Variants in GGA2 observed in about 807,000 individuals in gnomAD.
GGA2 encodes golgi associated, gamma adaptin ear containing, ARF binding protein 2, also known as ADP-ribosylation factor-binding protein GGA2.
Under a neutral mutation model 79.5 loss-of-function variants are expected in GGA2, and 48 were observed. The observed-to-expected ratio is 0.60, with a 90% CI of 0.48 to 0.77. The LOEUF is 0.77. GGA2 is among the 30% of genes least tolerant of loss of function. The probability of loss-of-function intolerance (pLI) is 0.00; values close to 1 mark genes in which losing one functional copy is unlikely to be tolerated. For missense variants in GGA2, 770 were observed against 774.0 expected (o/e 0.99, Z 0.06); for synonymous variants, 317 against 302.0 (o/e 1.05, Z -0.51).
At position 23,478,348 on chromosome 16, in the gene GGA2, C is replaced by T. The variant is rs376579898; in HGVS notation, c.1292+20G>A. ...ACTCAGGAGCCACACTCTCCCACTC[C>T]CCTTGCCCAGAAGACTCACAGAGGG... On this transcript the variant is annotated intron_variant, in intron 13 of 16. Transcript: ENST00000309859. The T allele has an allele frequency of 1.3e-5, 20 of 1,554,764 alleles. No homozygotes were observed. The African/African-American group carries it at 2.6e-4, about 20-fold the overall frequency.
intron 1 of GGA2, among the ~76,000 whole-genome samples, chr16:23,500,441 G>T (rs1299066564): frequency 2.0e-5 from 3 of 152,170 alleles, no homozygotes; most frequent in African/African-American, 7.2e-5. Flanking sequence ...TGAGGCGGTG[G>T]CAAGCAGAGG....
At chr16:23,498,422 C>T (rs982945905) in intron 1 of GGA2, among the ~76,000 whole-genome samples, 3 of 151,630 alleles carry the variant, frequency 2.0e-5, no homozygotes, top group African/African-American at 4.8e-5. Context: ...AATGAGACCC[C>T]GTCTCAAAAA....
chr16:23,507,643 C>T (rs1964988118), intron 1 of GGA2, among the ~76,000 whole-genome samples: 1 of 149,518 alleles, frequency 6.7e-6, no homozygotes, highest in African/African-American at 2.5e-5. Flanking sequence ...CTCTCTCACA[C>T]ACACAAATTA....
Position 23,491,681 on chromosome 16 carries a change from T to C in GGA2, c.471A>G (p.Lys157=). Residue 157 remains lysine, a synonymous_variant, in exon 5 of 17, where the codon AAA becomes AAG. Transcript: ENST00000309859. Reference sequence around the variant, plus strand: ...ACACAGTAAGGCAAGTCAGACCTTGTTTCTTCAGCATCTGATAAGCGTCTC... The same window carrying C: ...ACACAGTAAGGCAAGTCAGACCTTGCTTCTTCAGCATCTGATAAGCGTCTC... ...KIRDAYQMLK[K]QGIIKQDPKL... is the part of the protein sequence containing the mutation. The C allele has an allele frequency of 1.9e-6, 3 of 1,613,136 alleles. No homozygotes were observed. The highest frequency in any genetic ancestry group is 2.5e-6 in the Non-Finnish European group (3 of 1,179,230).
At chr16:23,480,797 C>T (rs374131213) in intron 9 of GGA2, 27 bp from the exon 10 acceptor site, 55 of 1,592,646 alleles carry the variant, frequency 3.5e-5, no homozygotes, top group Admixed American at 5.1e-5. Context: ...GACTCAGAAC[C>T]CCCTGGTTTG....
Position 23,467,551 on chromosome 16 carries a change from C to T in GGA2, c.*39G>A. 1 of 1,022,376 alleles carries T rather than the reference C, an allele frequency of 9.8e-7. No homozygotes were observed. The highest frequency in any genetic ancestry group is 1.5e-6 in the Non-Finnish European group (1 of 647,200). The allele number at this position is 1,022,376 out of a possible 1,614,324, so 63.3% of individuals were successfully genotyped here. On this transcript the variant is annotated 3_prime_UTR_variant, in exon 17 of 17. Transcript: ENST00000309859. ...CCTGACTAGACAGCAAAAGTAACGC[C>T]AGCCTAAGCTTGAAATGAAGGGTCC... is the stretch of plus-strand genomic sequence containing the variant.
chr16:23,518,364 A>G (rs1965115794), intron 2 of GGA2, among the ~76,000 whole-genome samples: 1 of 152,124 alleles, frequency 6.6e-6, no homozygotes, highest in South Asian at 2.1e-4. Context: ...GCTCACCACA[A>G]TGCTCAGCTA....
chr16:23,491,573 A>T, intron 5 of GGA2, 104 bp downstream of exon 5: 2 of 938,004 alleles, frequency 2.1e-6, no homozygotes, highest in Non-Finnish European at 3.3e-6. Context: ...CTATGGTCCT[A>T]CATAAGAAGT....
chr16:23,464,902 C>T lies in GGA2; in HGVS notation c.*2688G>A, dbSNP rs1378407714. 5.5e-6 allele frequency: 1 copy of T among 181,706 alleles called. No homozygotes were observed. Among genetic ancestry groups the T allele is most frequent in the Non-Finnish European group, 1.2e-5 (1 of 85,066 alleles). The allele number at this position is 181,706 out of a possible 1,614,324, so 11.3% of individuals were successfully genotyped here. Reference sequence around the variant, plus strand: ...GGTTTAGAGCCACCTGACTACCAGGCCTGTGTGTGGACGGGAAAGTCCTGA... The same window carrying T: ...GGTTTAGAGCCACCTGACTACCAGGTCTGTGTGTGGACGGGAAAGTCCTGA... On this transcript the variant is annotated 3_prime_UTR_variant, in exon 17 of 17. Transcript: ENST00000309859.
chr16:23,494,116 C>T (rs762174647), intron 3 of GGA2, 187 bp downstream of exon 3: 40 of 598,688 alleles, frequency 6.7e-5, no homozygotes, highest in East Asian at 2.2e-4. Context: ...AAGAAACAGA[C>T]GAGAAACAGG....
Position 23,470,088 on chromosome 16 carries a change from C to G in GGA2, c.1528G>C (p.Gly510Arg). The change falls in exon 15 of 17, where the codon GGG (glycine) becomes CGG (arginine). Residue 510 changes from glycine (G) to arginine (R), a missense_variant. Transcript: ENST00000309859. ...LLHFSQTGAP[G>R]HPEVQVLLLT... ...AGCAGCACCTGTACCTCTGGGTGCC[C>G]AGGGGCTCCCGTCTGGGAGAAGTGG... 2 of 1,610,172 alleles carry G rather than the reference C, an allele frequency of 1.2e-6. No homozygotes were observed. The highest frequency in any genetic ancestry group is 3.4e-5 in the Admixed American group (2 of 59,500).
intron 1 of GGA2, among the ~76,000 whole-genome samples, chr16:23,503,397 T>C (rs1291598134): frequency 6.6e-6 from 1 of 152,328 alleles, no homozygotes; most frequent in East Asian, 1.9e-4. Flanking sequence ...AAAATTGTAT[T>C]AGTTGTAATA....
chr16:23,468,481 T>C (rs574923563), intron 16 of GGA2, among the ~76,000 whole-genome samples: 4 of 143,046 alleles, frequency 2.8e-5, no homozygotes, highest in South Asian at 2.2e-4. Context: ...TGGCCGACTT[T>C]ATTTTTTTTT....
At chr16:23,472,894 C>T (rs1333675231) in intron 14 of GGA2, among the ~76,000 whole-genome samples, 6 of 151,020 alleles carry the variant, frequency 4.0e-5, no homozygotes, top group African/African-American at 9.7e-5. Flanking sequence ...AGTAGCTGGG[C>T]GTGGTTGTGG....
At chr16:23,475,159 C>T (rs1010548824) in intron 13 of GGA2, 98 bp from the exon 14 acceptor site, 17 of 650,510 alleles carry the variant, frequency 2.6e-5, no homozygotes, top group African/African-American at 2.4e-4. Flanking sequence ...AAATAACACA[C>T]ACACACACAC....
At chr16:23,496,039 C>A (rs552346242) in intron 1 of GGA2, among the ~76,000 whole-genome samples, 1 of 152,110 alleles carries the variant, frequency 6.6e-6, no homozygotes, top group South Asian at 2.1e-4. Flanking sequence ...GTGGCTCATG[C>A]CTGTAATCCC....
intron 12 of GGA2, 177 bp from the exon 13 acceptor site, chr16:23,478,678 C>T (rs1403808064): frequency 2.7e-6 from 2 of 753,840 alleles, no homozygotes; most frequent in Admixed American, 2.0e-5. Flanking sequence ...GGGCAGACCT[C>T]CAGGAAGCAG....
chr16:23,492,986 A>G (rs1964808306), intron 4 of GGA2, among the ~76,000 whole-genome samples: 1 of 151,508 alleles, frequency 6.6e-6, no homozygotes, highest in Non-Finnish European at 1.5e-5. Flanking sequence ...AGACTGGCTG[A>G]GCTAAGACAG....
chr16:23,471,862 CTG>C (rs1964514774), intron 14 of GGA2, among the ~76,000 whole-genome samples: 1 of 152,094 alleles, frequency 6.6e-6, no homozygotes, highest in African/African-American at 2.4e-5. Flanking sequence ...TGAGCTATGA[CTG>C]TGCCACCGCA....
Sources: gnomAD v4.1 joint callset for allele counts (sites outside exome capture counted in the v4.1 genomes callset) on GRCh38, gnomAD v4.1.1 for gene constraint, MANE v1.5 for transcripts, NCBI Gene and HGNC (gene_info 2026-07-23, HGNC 2026-07-21) for gene names.